GAB2: variants seen among roughly 807,000 people sequenced by gnomAD.
GAB2 encodes GRB2 associated binding protein 2.
Under a neutral mutation model 65.5 loss-of-function variants are expected in GAB2, and 26 were observed. The ratio of observed to expected loss-of-function variants is 0.40; its 90% CI spans 0.29 to 0.55. The LOEUF (loss-of-function observed/expected upper bound fraction) is 0.55, where lower values mean the gene tolerates loss of function less well. Among genes scored for constraint, GAB2 ranks in the 20% least tolerant of loss-of-function variants. The pLI is 0.53. For missense variants in GAB2, 884 were observed against 875.8 expected (o/e 1.01, Z -0.12); for synonymous variants, 321 against 329.6 (o/e 0.97, Z 0.28).
intron 1 of GAB2, among the ~76,000 whole-genome samples, chr11:78,368,754 T>G (rs1018083512): frequency 2.2e-4 from 33 of 151,836 alleles, no homozygotes; most frequent in African/African-American, 8.0e-4. Context: ...GTTTAAATCT[T>G]CAACTTCAGA....
chr11:78,393,655 G>C lies in GAB2; in HGVS notation c.75+23991C>G, dbSNP rs535228626. 4.6e-5 allele frequency among the ~76,000 whole-genome samples: 7 copies of C among 152,234 alleles called. No individual in the cohort carries two copies. The South Asian group carries it at 1.2e-3, about 27-fold the overall frequency. The stretch of plus-strand genomic sequence containing the variant: ...ATTCATCCTAAGGATAAAAGTCTTT[G>C]CTCTAAAGATCATCACAGCATTATC... On this transcript the variant is annotated intron_variant, in intron 1 of 9. Transcript: ENST00000361507.
intron 1 of GAB2, among the ~76,000 whole-genome samples, chr11:78,296,354 C>T (rs1002967827): frequency 1.3e-5 from 2 of 152,170 alleles, no homozygotes; most frequent in African/African-American, 4.8e-5. Flanking sequence ...ATATGTGTTT[C>T]TGTTTAAAGA....
chr11:78,362,145 C>T (rs1479579337), intron 1 of GAB2, among the ~76,000 whole-genome samples: 4 of 150,438 alleles, frequency 2.7e-5, no homozygotes, highest in Non-Finnish European at 3.0e-5. Context: ...GGAGTTAATA[C>T]GTATTTGTAT....
intron 2 of GAB2, among the ~76,000 whole-genome samples, chr11:78,279,810 A>G (rs1866282245): frequency 6.6e-6 from 1 of 152,166 alleles, no homozygotes; most frequent in African/African-American, 2.4e-5. Flanking sequence ...ATTGATGGAT[A>G]TTTGGGTTGT....
At chr11:78,256,234 A>T (rs1333415433) in intron 2 of GAB2, among the ~76,000 whole-genome samples, 1 of 152,228 alleles carries the variant, frequency 6.6e-6, no homozygotes, top group Non-Finnish European at 1.5e-5. Flanking sequence ...CCATAGAAAT[A>T]AAAAATACTG....
At chr11:78,377,122 G>A (rs1856640684) in intron 1 of GAB2, among the ~76,000 whole-genome samples, 1 of 152,238 alleles carries the variant, frequency 6.6e-6, no homozygotes, top group Admixed American at 6.5e-5. Flanking sequence ...TTCTGGTAAA[G>A]CCTGCAGAAC....
At chr11:78,417,543 G>C (rs1366466691) in intron 1 of GAB2, 103 bp downstream of exon 1, 6 of 302,952 alleles carry the variant, frequency 2.0e-5, no homozygotes, top group African/African-American at 4.7e-5. Flanking sequence ...CCGCGGCTCC[G>C]GGCCCGAGCT....
chr11:78,374,542 C>T (rs1856609794), intron 1 of GAB2, among the ~76,000 whole-genome samples: 1 of 152,118 alleles, frequency 6.6e-6, no homozygotes, highest in African/African-American at 2.4e-5. Flanking sequence ...ACTCATCATC[C>T]ATTTCTTAAT....
intron 1 of GAB2, among the ~76,000 whole-genome samples, chr11:78,310,468 G>C (rs1314194974): frequency 6.8e-6 from 1 of 147,964 alleles, no homozygotes; most frequent in East Asian, 2.0e-4. Flanking sequence ...AGCCAAGATC[G>C]TGCCACTTGC....
intron 1 of GAB2, among the ~76,000 whole-genome samples, chr11:78,366,035 A>C (rs1323851111): frequency 6.6e-6 from 1 of 152,228 alleles, no homozygotes; most frequent in Non-Finnish European, 1.5e-5. Context: ...GTTGATTTCA[A>C]AATTAAATAA....
At chr11:78,303,747 A>T (rs1247724461) in intron 1 of GAB2, among the ~76,000 whole-genome samples, 1 of 152,166 alleles carries the variant, frequency 6.6e-6, no homozygotes, top group African/African-American at 2.4e-5. Flanking sequence ...TCTATTGATC[A>T]ATTTAGGGAT....
intron 1 of GAB2, chr11:78,341,975 G>T: frequency 1.5e-6 from 1 of 654,058 alleles, no homozygotes; most frequent in Non-Finnish European, 1.9e-6. Flanking sequence ...AGGCCAGTGT[G>T]TGTTGTGTTC....
chr11:78,245,654 C>T (rs935448625), intron 3 of GAB2, among the ~76,000 whole-genome samples: 28 of 152,326 alleles, frequency 1.8e-4, no homozygotes, highest in African/African-American at 5.8e-4. Flanking sequence ...AGTTTTGCTT[C>T]TAACACTTAT....
At chr11:78,417,364 CTG>C (rs1161803893) in intron 1 of GAB2, among the ~76,000 whole-genome samples, 2 of 151,928 alleles carry the variant, frequency 1.3e-5, no homozygotes, top group African/African-American at 4.8e-5. Flanking sequence ...AACTTCGACA[CTG>C]TATTTAGTTC....
At chr11:78,309,971 T>TGTGTGTGTGTGTGTGCGCGCGC (rs1421836447) in intron 1 of GAB2, among the ~76,000 whole-genome samples, 15 of 120,178 alleles carry the variant, frequency 1.2e-4, no homozygotes, top group African/African-American at 5.0e-4. Context: ...TGTGTGTGTG[T>TGTGTGTGTGTGTGTGCGCGCGC]GCGCGCGCGC....
intron 1 of GAB2, among the ~76,000 whole-genome samples, chr11:78,409,323 G>A (rs561382843): frequency 6.6e-6 from 1 of 152,310 alleles, no homozygotes; most frequent in Admixed American, 6.5e-5. Flanking sequence ...GGTGGCTCAT[G>A]TCTGTAATCC....
intron 1 of GAB2, among the ~76,000 whole-genome samples, chr11:78,380,993 A>G (rs1156839921): frequency 3.3e-5 from 5 of 152,116 alleles, no homozygotes; most frequent in African/African-American, 1.2e-4. Context: ...TATCTTCTCT[A>G]CTTTGAAACT....
At chr11:78,248,210 A>T (rs1416626524) in intron 3 of GAB2, among the ~76,000 whole-genome samples, 1 of 152,180 alleles carries the variant, frequency 6.6e-6, no homozygotes, top group Admixed American at 6.6e-5. Context: ...AGGTAGGAAG[A>T]TTAATAGGGA....
At chr11:78,289,080 T>C (rs144436202) in intron 1 of GAB2, among the ~76,000 whole-genome samples, 3 of 152,268 alleles carry the variant, frequency 2.0e-5, no homozygotes, top group African/African-American at 7.2e-5. Context: ...CCCAACTGAT[T>C]TTTCACAAAC....
Sources: gnomAD v4.1 joint callset for allele counts (sites outside exome capture counted in the v4.1 genomes callset) on GRCh38, gnomAD v4.1.1 for gene constraint, MANE v1.5 for transcripts, NCBI Gene and HGNC (gene_info 2026-07-23, HGNC 2026-07-21) for gene names.